Variants in GRB14 observed in about 807,000 individuals in gnomAD.
GRB14 encodes the protein growth factor receptor bound protein 14.
Under a neutral mutation model 69.1 loss-of-function variants are expected in GRB14, and 38 were observed. That is an observed-to-expected ratio of 0.55 (90% CI 0.42 to 0.72). GRB14 has a LOEUF of 0.72. Ranked by LOEUF, GRB14 falls within the 30% of genes least tolerant of loss-of-function variation. The pLI is 0.00. For synonymous variants in GRB14, 247 were observed against 241.3 expected (o/e 1.02, Z -0.22); for missense variants, 666 against 666.1 (o/e 1.00, Z 0.00).
At chr2:164,595,226 C>T (rs113523754) in intron 2 of GRB14, among the ~76,000 whole-genome samples, 3,686 of 152,322 alleles carry the variant, frequency 0.024, 143 homozygotes, top group African/African-American at 0.084. Context: ...GGTAAGCCTA[C>T]TCATGCTTTC....
intron 9 of GRB14, 70 bp from the exon 10 acceptor site, chr2:164,497,560 G>T: frequency 1.9e-6 from 2 of 1,044,566 alleles, no homozygotes; most frequent in Non-Finnish European, 2.9e-6. Context: ...AATTGAAAGT[G>T]TTTTTCAATT....
intron 2 of GRB14, among the ~76,000 whole-genome samples, chr2:164,604,179 T>C (rs1021400140): frequency 5.9e-5 from 9 of 152,208 alleles, no homozygotes; most frequent in African/African-American, 1.7e-4. Flanking sequence ...CAATACCTAG[T>C]AGAACTGAAC....
chr2:164,538,147 A>G (rs1688129451), intron 3 of GRB14, among the ~76,000 whole-genome samples: 1 of 152,166 alleles, frequency 6.6e-6, no homozygotes, highest in South Asian at 2.1e-4. Flanking sequence ...GCCTCCAGTC[A>G]TTCATTTTGC....
chr2:164,533,431 A>AC (rs1688003160), intron 3 of GRB14, among the ~76,000 whole-genome samples: 1 of 151,064 alleles, frequency 6.6e-6, no homozygotes, highest in Non-Finnish European at 1.5e-5. Flanking sequence ...ACGGGGTTTC[A>AC]CCATGGTCTT....
intron 2 of GRB14, among the ~76,000 whole-genome samples, chr2:164,558,669 C>T (rs1377151666): frequency 6.6e-6 from 1 of 152,180 alleles, no homozygotes; most frequent in Non-Finnish European, 1.5e-5. Flanking sequence ...ACTGGCCATG[C>T]TTATGTTGGA....
chr2:164,563,016 G>A (rs1688873546), intron 2 of GRB14, among the ~76,000 whole-genome samples: 1 of 152,084 alleles, frequency 6.6e-6, no homozygotes, highest in Non-Finnish European at 1.5e-5. Flanking sequence ...GAAATATCAA[G>A]GTTTAGCAAG....
Position 164,497,253 on chromosome 2 carries a change from C to T in GRB14, c.1252G>A (p.Gly418Ser), listed in dbSNP as rs760039506. 3.1e-6 allele frequency: 5 copies of T among 1,613,704 alleles called. No homozygotes were observed. The South Asian group carries it at 4.4e-5, about 14-fold the overall frequency. The change falls in exon 11 of 14, where the codon GGT (glycine) becomes AGT (serine). Residue 418 changes from glycine to serine, a missense_variant. Transcript: ENST00000263915. ...KKGCLRLGTH[G>S]SPTASSQSSA... Reference sequence around the variant, plus strand: ...CTCTGTGAAGAGGCAGTGGGGCTACCGTGAGTGCCCAGGCGTAAACATCCT... The same window carrying T: ...CTCTGTGAAGAGGCAGTGGGGCTACTGTGAGTGCCCAGGCGTAAACATCCT...
intron 2 of GRB14, among the ~76,000 whole-genome samples, chr2:164,554,498 T>C (rs893216564): frequency 6.6e-6 from 1 of 152,156 alleles, no homozygotes; most frequent in African/African-American, 2.4e-5. Context: ...ATAGCACTGA[T>C]AATGTTTATC....
chr2:164,578,840 T>A (rs547433163), intron 2 of GRB14, among the ~76,000 whole-genome samples: 2 of 152,284 alleles, frequency 1.3e-5, no homozygotes, highest in South Asian at 2.1e-4. Flanking sequence ...CTAAGGAGCA[T>A]AAATGATTAG....
intron 2 of GRB14, among the ~76,000 whole-genome samples, chr2:164,578,202 C>T (rs1689298883): frequency 6.6e-6 from 1 of 151,674 alleles, no homozygotes; most frequent in Non-Finnish European, 1.5e-5. Flanking sequence ...CACTGCACTC[C>T]AGCCTGGGCA....
chr2:164,586,003 G>C (rs1689529018), intron 2 of GRB14, among the ~76,000 whole-genome samples: 1 of 152,174 alleles, frequency 6.6e-6, no homozygotes, highest in African/African-American at 2.4e-5. Flanking sequence ...TATGCCTTAA[G>C]TCATTTCAGT....
intron 2 of GRB14, among the ~76,000 whole-genome samples, chr2:164,594,209 C>T (rs1032240379): frequency 2.0e-5 from 3 of 151,812 alleles, no homozygotes; most frequent in African/African-American, 7.3e-5. Context: ...TGATGAAAAC[C>T]CTCTGCTCAA....
intron 2 of GRB14, among the ~76,000 whole-genome samples, chr2:164,582,728 C>T (rs985003424): frequency 6.6e-6 from 1 of 152,136 alleles, no homozygotes; most frequent in Non-Finnish European, 1.5e-5. Context: ...CTATTTTCAG[C>T]TCTTACAGTT....
intron 2 of GRB14, among the ~76,000 whole-genome samples, chr2:164,583,900 T>C (rs573189056): frequency 3.2e-4 from 48 of 152,252 alleles, no homozygotes; most frequent in East Asian, 5.8e-4. Flanking sequence ...AAAATACTTA[T>C]TTTGTCTTCT....
intron 6 of GRB14, among the ~76,000 whole-genome samples, chr2:164,516,883 G>C (rs193007014): frequency 1.1e-4 from 17 of 152,048 alleles, no homozygotes; most frequent in Non-Finnish European, 2.1e-4. Context: ...AATTACCCTG[G>C]CATGGTGGTC....
At chr2:164,558,771 A>G (rs1006080283) in intron 2 of GRB14, among the ~76,000 whole-genome samples, 2 of 152,214 alleles carry the variant, frequency 1.3e-5, no homozygotes, top group African/African-American at 2.4e-5. Flanking sequence ...AAAGTTAAAA[A>G]TTGATTCACA....
chr2:164,507,610 A>G (rs1166347712), intron 8 of GRB14, among the ~76,000 whole-genome samples: 1 of 152,230 alleles, frequency 6.6e-6, no homozygotes, highest in Non-Finnish European at 1.5e-5. Context: ...TAATAACAAT[A>G]AATTATGTAT....
At chr2:164,527,174 CAAAT>C (rs1687796875) in intron 3 of GRB14, 39 bp from the exon 4 acceptor site, 1 of 330,894 alleles carries the variant, frequency 3.0e-6, no homozygotes. Context: ...GACAGATAGA[CAAAT>C]ATATATATAT....
intron 6 of GRB14, among the ~76,000 whole-genome samples, chr2:164,517,919 T>A (rs774320633): frequency 4.6e-5 from 7 of 152,014 alleles, no homozygotes; most frequent in Non-Finnish European, 8.8e-5. Flanking sequence ...ACAATAACAG[T>A]GGGGGATTTT....
Sources: allele counts gnomAD v4.1 joint callset (sites outside exome capture counted in the v4.1 genomes callset), GRCh38; gene constraint gnomAD v4.1.1; transcripts MANE v1.5; gene names NCBI Gene and HGNC (gene_info 2026-07-23, HGNC 2026-07-21).